INPP5K: variants seen among roughly 807,000 people sequenced by gnomAD.
INPP5K encodes the protein inositol polyphosphate 5-phosphatase K.
In INPP5K, 35 loss-of-function variants were observed where a neutral mutation model predicts 53.5. That is an observed-to-expected ratio of 0.65 (90% CI 0.50 to 0.87). The LOEUF is 0.87. Among genes scored for constraint, INPP5K ranks in the 40% least tolerant of loss-of-function variants. The probability of loss-of-function intolerance (pLI) is 0.00; values close to 1 mark genes in which losing one functional copy is unlikely to be tolerated. For missense variants in INPP5K, 550 were observed against 586.2 expected (o/e 0.94, Z 0.64); for synonymous variants, 253 against 232.8 (o/e 1.09, Z -0.79).
intron 7 of INPP5K, among the ~76,000 whole-genome samples, chr17:1,503,115 GGTT>G (rs2075067769): frequency 6.6e-6 from 1 of 151,786 alleles, no homozygotes; most frequent in African/African-American, 2.4e-5. Flanking sequence ...TGAGCTCCTG[GGTT>G]CAAGTGATCA....
chr17:1,502,039 A>G (rs901572277), intron 7 of INPP5K, among the ~76,000 whole-genome samples: 13 of 147,072 alleles, frequency 8.8e-5, no homozygotes, highest in African/African-American at 3.3e-4. Context: ...CATCTCAAAA[A>G]AAAAAAAGAA....
intron 7 of INPP5K, among the ~76,000 whole-genome samples, chr17:1,500,367 G>GT (rs753820335): frequency 0.14 from 20,167 of 144,992 alleles, 1,611 homozygotes; most frequent in South Asian, 0.32. Flanking sequence ...TGCTTCCAAA[G>GT]TTTTTTTTTT....
rs1365743530 is a variant in INPP5K at position 1,498,052 on chromosome 17, G to A, written c.847C>T (p.Pro283Ser). The A allele has an allele frequency of 1.9e-6, 3 of 1,613,986 alleles. No individual in the cohort carries two copies. The highest frequency in any genetic ancestry group is 1.3e-5 in the African/African-American group (1 of 74,920). Residue 283 changes from proline to serine, a missense_variant, in exon 8 of 12, where the codon CCC (proline) becomes TCC (serine). Pro to Ser is a moderately conservative substitution (Grantham distance 74). Transcript: ENST00000421807. ...WRLKRQPCAG[P>S]DTPIPPASHF... ...GACGCCGGCGGTATGGGAGTGTCGG[G>A]GCCAGCACAGGGCTGCCGCTTCAGC... is the stretch of plus-strand genomic sequence containing the variant.
At chr17:1,512,806 A>C (rs1356285001) in intron 3 of INPP5K, among the ~76,000 whole-genome samples, 1 of 152,158 alleles carries the variant, frequency 6.6e-6, no homozygotes, top group East Asian at 1.9e-4. Context: ...TCTGAAGTGC[A>C]CGTCCCGTAT....
intron 7 of INPP5K, among the ~76,000 whole-genome samples, chr17:1,506,334 C>T (rs1305201029): frequency 1.3e-5 from 2 of 152,156 alleles, no homozygotes; most frequent in Non-Finnish European, 2.9e-5. Context: ...CGGCATGAAT[C>T]GAAAAGTCAC....
In INPP5K at chr17:1,496,148, C is replaced by T. The variant is rs147748031; in HGVS notation, c.1202G>A (p.Ser401Asn). Reference protein sequence around the residue: ...DNLNQVYIDISNIPTTEDEFL... With the variant: ...DNLNQVYIDINNIPTTEDEFL... ...CTCATCTTCAGTGGTAGGGATATTGCTGATGTCGATGTAAACCTGGAGGGG... is the reference window on the plus strand; with the variant it reads ...CTCATCTTCAGTGGTAGGGATATTGTTGATGTCGATGTAAACCTGGAGGGG... The change falls in exon 11 of 12, where the codon AGC becomes AAC. Residue 401 changes from serine (S) to asparagine (N), a missense_variant. By Grantham distance (46) the Ser-to-Asn change is conservative (BLOSUM62 1). Transcript: ENST00000421807. The T allele has an allele frequency of 2.2e-5, 36 of 1,611,818 alleles. No homozygotes were observed. The African/African-American group carries it at 4.0e-4, about 18-fold the overall frequency.
intron 7 of INPP5K, among the ~76,000 whole-genome samples, chr17:1,501,824 C>A (rs2075019727): frequency 6.6e-6 from 1 of 151,390 alleles, no homozygotes; most frequent in Admixed American, 6.6e-5. Flanking sequence ...CAAGACCAGC[C>A]TGGCCAACAT....
intron 2 of INPP5K, 103 bp downstream of exon 2, chr17:1,513,769 C>T: frequency 1.0e-6 from 1 of 999,640 alleles, no homozygotes; most frequent in South Asian, 1.5e-5. Context: ...GCTGAAAGCT[C>T]CCAGCCTTCA....
chr17:1,497,147 G>A (rs1224038142), intron 8 of INPP5K, among the ~76,000 whole-genome samples: 1 of 152,234 alleles, frequency 6.6e-6, no homozygotes, highest in Non-Finnish European at 1.5e-5. Flanking sequence ...CACATGGGGG[G>A]ATGCTCTGGT....
intron 7 of INPP5K, among the ~76,000 whole-genome samples, chr17:1,499,144 A>G (rs1405855512): frequency 6.6e-6 from 1 of 152,242 alleles, no homozygotes; most frequent in Admixed American, 6.5e-5. Flanking sequence ...GAGATAAAGT[A>G]CATAAAATGT....
At chr17:1,502,904 CT>C (rs2075061870) in intron 7 of INPP5K, among the ~76,000 whole-genome samples, 1 of 147,034 alleles carries the variant, frequency 6.8e-6, no homozygotes, top group Non-Finnish European at 1.5e-5. Context: ...TTTTTTTTTT[CT>C]TTTTAAGACA....
rs1317837649 is a variant in INPP5K, at chr17:1,509,671, C to T, written c.378+12G>A. 1 of 1,509,134 alleles carries T rather than the reference C, an allele frequency of 6.6e-7. No homozygotes were observed. The highest frequency in any genetic ancestry group is 9.2e-7 in the Non-Finnish European group (1 of 1,084,408). 93.5% of individuals were successfully genotyped at this position (1,509,134 alleles called of 1,614,324 possible). Reference sequence around the variant, plus strand: ...TCCCAGCTCACGACTCAGACAATAGCTCAGTCCTTACCCAGTACCCAAACA... The same window carrying T: ...TCCCAGCTCACGACTCAGACAATAGTTCAGTCCTTACCCAGTACCCAAACA... On this transcript the variant is annotated intron_variant, in intron 4 of 11. Transcript: ENST00000421807.
Position 1,496,783 on chromosome 17 carries a change from AG to A in INPP5K, c.983del (p.Ala328ValfsTer3), listed in dbSNP as rs554305622. The A allele has an allele frequency of 2.5e-6, 4 of 1,614,126 alleles. No individual in the cohort carries two copies. Among genetic ancestry groups the A allele is most frequent in the Non-Finnish European group, 3.4e-6 (4 of 1,180,010 alleles). On this transcript the variant is annotated frameshift_variant, in exon 9 of 12. Transcript: ENST00000421807. LOFTEE classifies it high-confidence loss of function. ...CCTCGGGCATCAGGACGATCAGCGG[AG>A]CAGACACCAATGGCTTCAGCTAGAC... ...FDLELKPLVS[A>X]PLIVLMPEDL...
In INPP5K at chr17:1,513,507, A is replaced by G. The variant is rs80146383; in HGVS notation, c.207T>C (p.Asn69=). The change falls in exon 3 of 12, where the codon AAT becomes AAC. Residue 69 remains asparagine, a synonymous_variant. Coordinates refer to ENST00000421807, the MANE Select transcript of INPP5K (RefSeq NM_016532.4). Reference sequence around the variant, plus strand: ...CCATGAGGAAACTGCTCCACGAGTCATTAAAGGCAGCATCGGAAAGGAGGC... The same window carrying G: ...CCATGAGGAAACTGCTCCACGAGTCGTTAAAGGCAGCATCGGAAAGGAGGC... ...IISLLSDAAF[N]DSWSSFLMDV... is the part of the protein sequence containing the mutation. 184 of 1,614,270 alleles carry G rather than the reference A, an allele frequency of 1.1e-4. 2 individuals are homozygous for G. The East Asian group carries it at 3.2e-3, about 28-fold the overall frequency.
rs1242289931 is a variant in INPP5K, at chr17:1,496,653, GCCA to G, written c.1101+10_1101+12del. 3.7e-6 allele frequency: 6 copies of G among 1,613,564 alleles called. No individual in the cohort carries two copies. The East Asian group carries it at 1.1e-4, about 30-fold the overall frequency. ...CTGTCGCTGATGGACTTCCTGCCTT[GCCA>G]CCACATCACCTTGTACAGTCCAATC... is the stretch of plus-strand genomic sequence containing the variant. On this transcript the variant is annotated intron_variant, in intron 9 of 11. Coordinates refer to ENST00000421807, the MANE Select transcript of INPP5K (RefSeq NM_016532.4).
chr17:1,500,059 C>G (rs376351458), intron 7 of INPP5K, among the ~76,000 whole-genome samples: 7 of 152,328 alleles, frequency 4.6e-5, no homozygotes, highest in African/African-American at 9.6e-5. Context: ...AGCAACCCCC[C>G]ACCTCCGCCT....
At chr17:1,508,303 C>T (rs2286868) in intron 5 of INPP5K, 77 bp from the exon 6 acceptor site, 134,710 of 1,158,232 alleles carry the variant, frequency 0.12, 8,435 homozygotes, top group Middle Eastern at 0.15. Context: ...GCTCAGCCTG[C>T]TCAACCCAAG....
chr17:1,511,767 A>G (rs2075315010), intron 3 of INPP5K, among the ~76,000 whole-genome samples: 1 of 152,054 alleles, frequency 6.6e-6, no homozygotes, highest in African/African-American at 2.4e-5. Flanking sequence ...AAGACTCAGG[A>G]AAAGTTTCAG....
At chr17:1,503,709 ACT>A (rs1473234545) in intron 7 of INPP5K, among the ~76,000 whole-genome samples, 1 of 151,640 alleles carries the variant, frequency 6.6e-6, no homozygotes, top group Non-Finnish European at 1.5e-5. Context: ...CAAGAAGAAA[ACT>A]CTGTCTCGAA....
Sources: allele counts gnomAD v4.1 joint callset (sites outside exome capture counted in the v4.1 genomes callset), GRCh38; gene constraint gnomAD v4.1.1; transcripts MANE v1.5; gene names NCBI Gene and HGNC (gene_info 2026-07-23, HGNC 2026-07-21).